The following GPR158 variants were observed in gnomAD, a reference collection of about 807,000 sequenced individuals.
GPR158 encodes the protein metabotropic glycine receptor.
GPR158 carries 30 observed loss-of-function variants against 78.2 expected under a neutral mutation model. That is an observed-to-expected ratio of 0.38 (90% confidence interval 0.29 to 0.52). GPR158 has a LOEUF of 0.52. GPR158 is among the 20% of genes least tolerant of loss of function. The pLI, the probability that GPR158 is intolerant of heterozygous loss-of-function variation, is 0.83. For synonymous variants in GPR158, 581 were observed against 591.1 expected, an observed-to-expected ratio of 0.98 and a Z score of 0.25; for missense variants, 1,463 against 1,523.5, an observed-to-expected ratio of 0.96 and a Z score of 0.66.
In GPR158 at chr10:25,203,602, C is replaced by CAA. The variant is rs774204202; in HGVS notation, c.903-17449_903-17448insAA. 6.6e-5 allele frequency among the ~76,000 whole-genome samples: 8 copies of CAA among 121,920 alleles called. 1 individual carries two copies. The highest frequency in any genetic ancestry group is 1.2e-4 in the Non-Finnish European group (7 of 58,308). 80.0% of individuals were successfully genotyped at this position (121,920 alleles called of 152,430 possible). A position where few individuals can be genotyped will look rare whatever the true frequency, so the allele number is the denominator to read the frequency against. ...TATTTCTGAGGGCTCTGTTCTGTTC[C>CAA]ATTGGTGTATATCTGTGTTTTGGTA... On this transcript the variant is annotated intron_variant, in intron 1 of 10. Coordinates refer to ENST00000376351, the MANE Select transcript of GPR158 (RefSeq NM_020752.3).
At position 25,176,031 on chromosome 10, in the gene GPR158, A is replaced by G; in HGVS notation, c.611A>G (p.Gln204Arg). The G allele has an allele frequency of 6.2e-7, 1 of 1,611,390 alleles. No individual in the cohort carries two copies. The highest frequency in any genetic ancestry group is 8.5e-7 in the Non-Finnish European group (1 of 1,179,180). The change falls in exon 1 of 11, where the codon CAA becomes CGA. Residue 204 changes from glutamine (Q) to arginine (R), a missense_variant. Physicochemically the swap from Gln to Arg is conservative, Grantham distance 43. Transcript: ENST00000376351. The surrounding 1 kb of genome is among the most constrained non-coding windows in gnomAD (Gnocchi z 6.3). Reference protein sequence around the residue: ...ATREESRILLQDLSSSAPHLA... With the variant: ...ATREESRILLRDLSSSAPHLA... Reference sequence around the variant, plus strand: ...CGCGAGGAGAGCCGCATCCTGCTCCAAGACCTGTCCTCCTCCGCACCCCAC... The same window carrying G: ...CGCGAGGAGAGCCGCATCCTGCTCCGAGACCTGTCCTCCTCCGCACCCCAC...
intron 1 of GPR158, among the ~76,000 whole-genome samples, chr10:25,212,548 A>G (rs1310842135): frequency 7.4e-6 from 1 of 135,492 alleles, no homozygotes; most frequent in Non-Finnish European, 1.6e-5. Flanking sequence ...CAGATCATTT[A>G]TTGTTCTTCA....
At chr10:25,304,569 A>G (rs1028638730) in intron 2 of GPR158, among the ~76,000 whole-genome samples, 2 of 152,006 alleles carry the variant, frequency 1.3e-5, no homozygotes, top group Non-Finnish European at 2.9e-5. Flanking sequence ...GTTTTTATAT[A>G]TAATATATAT....
At chr10:25,336,801 T>C (rs1475545435) in intron 2 of GPR158, among the ~76,000 whole-genome samples, 1 of 152,092 alleles carries the variant, frequency 6.6e-6, no homozygotes, top group East Asian at 1.9e-4. Context: ...AGCTGTGTCC[T>C]GGAAGATGGT....
intron 2 of GPR158, among the ~76,000 whole-genome samples, chr10:25,283,494 C>T (rs191696094): frequency 5.9e-5 from 9 of 152,026 alleles, no homozygotes; most frequent in Non-Finnish European, 1.2e-4. Flanking sequence ...AAATAACTCC[C>T]GGAAGCTTAG....
intron 5 of GPR158, among the ~76,000 whole-genome samples, chr10:25,469,213 T>C (rs1271413944): frequency 6.6e-6 from 1 of 152,204 alleles, no homozygotes; most frequent in Non-Finnish European, 1.5e-5. Context: ...CCTCAAAGTT[T>C]AAGTACTATT....
chr10:25,269,207 T>C (rs1854084474), intron 2 of GPR158, among the ~76,000 whole-genome samples: 1 of 152,226 alleles, frequency 6.6e-6, no homozygotes, highest in Non-Finnish European at 1.5e-5. Flanking sequence ...AGATGGTTTA[T>C]GTAGGAAAAT....
At chr10:25,197,110 A>G (rs1400069429) in intron 1 of GPR158, among the ~76,000 whole-genome samples, 1 of 152,148 alleles carries the variant, frequency 6.6e-6, no homozygotes, top group East Asian at 1.9e-4. Context: ...TTGGATGTGG[A>G]GGGAGGAGGT....
At chr10:25,554,737 A>G (rs1489819301) in intron 6 of GPR158, among the ~76,000 whole-genome samples, 1 of 152,164 alleles carries the variant, frequency 6.6e-6, no homozygotes, top group African/African-American at 2.4e-5. Context: ...ATACAGTTGC[A>G]CCAAGTTGGG....
chr10:25,380,564 AATT>A (rs1158703488), intron 2 of GPR158, among the ~76,000 whole-genome samples: 4 of 152,136 alleles, frequency 2.6e-5, no homozygotes. Context: ...TTTGGAGTAC[AATT>A]ACTTAGTTGT....
intron 4 of GPR158, among the ~76,000 whole-genome samples, chr10:25,431,870 G>A (rs889506468): frequency 3.3e-5 from 5 of 152,216 alleles, no homozygotes; most frequent in Non-Finnish European, 4.4e-5. Context: ...GGGGTTGGGG[G>A]AGGGATAGCT....
At chr10:25,288,738 C>G (rs1854389456) in intron 2 of GPR158, among the ~76,000 whole-genome samples, 1 of 152,108 alleles carries the variant, frequency 6.6e-6, no homozygotes, top group Admixed American at 6.5e-5. Flanking sequence ...TATCAAAAGG[C>G]TTTTTCCCTC....
rs566375919 is a variant in GPR158, at chr10:25,477,615, G to T, written c.1404+10896G>T. Among the ~76,000 whole-genome samples, 13 of 152,046 alleles carry T rather than the reference G, an allele frequency of 8.6e-5. No individual in the cohort carries two copies. The South Asian group carries it at 2.7e-3, about 32-fold the overall frequency. On this transcript the variant is annotated intron_variant, in intron 5 of 10. Transcript: ENST00000376351. Reference sequence around the variant, plus strand: ...ACAAGTAGACTATGATTTTTAAGCTGATCCGTAGAATCCATCTCACTTGGT... The same window carrying T: ...ACAAGTAGACTATGATTTTTAAGCTTATCCGTAGAATCCATCTCACTTGGT...
At chr10:25,211,067 G>A (rs1201286833) in intron 1 of GPR158, among the ~76,000 whole-genome samples, 1 of 152,006 alleles carries the variant, frequency 6.6e-6, no homozygotes, top group Non-Finnish European at 1.5e-5. Context: ...GGGAGTCGGA[G>A]GTTGCAGTGA....
chr10:25,243,356 G>A (rs555846798), intron 2 of GPR158, among the ~76,000 whole-genome samples: 5 of 152,292 alleles, frequency 3.3e-5, no homozygotes, highest in African/African-American at 7.2e-5. Flanking sequence ...TCTGGATTAC[G>A]TTATTCAGCT....
chr10:25,513,987 C>T (rs1478855620), intron 5 of GPR158, among the ~76,000 whole-genome samples: 2 of 152,076 alleles, frequency 1.3e-5, no homozygotes, highest in African/African-American at 4.8e-5. Context: ...ATAGAATGTA[C>T]ATTCTGCAGT....
intron 6 of GPR158, among the ~76,000 whole-genome samples, chr10:25,563,415 T>C (rs1259872573): frequency 6.6e-6 from 1 of 152,192 alleles, no homozygotes; most frequent in Admixed American, 6.5e-5. Flanking sequence ...CATTTCTACC[T>C]TTTAGTTTCC....
At chr10:25,287,113 G>T (rs1854361833) in intron 2 of GPR158, among the ~76,000 whole-genome samples, 1 of 152,048 alleles carries the variant, frequency 6.6e-6, no homozygotes, top group South Asian at 2.1e-4. Context: ...GTTTCTCAGT[G>T]CTCCTACGCC....
Position 25,175,736 on chromosome 10 carries a change from G to C in GPR158, c.316G>C (p.Ala106Pro), listed in dbSNP as rs1221377197. 6.2e-7 allele frequency: 1 copy of C among 1,611,546 alleles called. No homozygotes were observed. Among genetic ancestry groups the C allele is most frequent in the East Asian group, 2.2e-5 (1 of 44,858 alleles). The change falls in exon 1 of 11, where the codon GCG becomes CCG. Residue 106 changes from alanine (A) to proline (P), a missense_variant. Ala to Pro is a conservative substitution (Grantham distance 27). Coordinates refer to ENST00000376351, the MANE Select transcript of GPR158 (RefSeq NM_020752.3). The surrounding 1 kb of genome is among the most constrained non-coding windows in gnomAD (Gnocchi z 6.4). ...CAACTGCTCCGGCCGCTACGAGTTG[G>C]CGGGCCTGCCGGGGAAGTGGCCAGC... Reference protein sequence around the residue: ...RANCSGRYELAGLPGKWPALA... With the variant: ...RANCSGRYELPGLPGKWPALA...
Sources: allele counts gnomAD v4.1 joint callset (sites outside exome capture counted in the v4.1 genomes callset), GRCh38; gene constraint gnomAD v4.1.1; non-coding constraint Gnocchi (gnomAD v3.1); transcripts MANE v1.5; gene names NCBI Gene and HGNC (gene_info 2026-07-23, HGNC 2026-07-21).